NTM: variants seen among roughly 807,000 people sequenced by gnomAD.
NTM encodes the protein IgLON family member 2.
NTM carries 13 observed loss-of-function variants against 42.1 expected under a neutral mutation model. The ratio of observed to expected loss-of-function variants is 0.31; its 90% CI spans 0.20 to 0.49. The LOEUF (loss-of-function observed/expected upper bound fraction) is 0.49, where lower values mean the gene tolerates loss of function less well. Ranked by LOEUF, NTM falls within the 20% of genes least tolerant of loss-of-function variation. NTM has a pLI of 0.99. For missense variants in NTM, 373 were observed against 452.8 expected (o/e 0.82, Z 1.60); for synonymous variants, 187 against 179.2 (o/e 1.04, Z -0.35).
At chr11:131,785,687 G>T (rs999939188) in intron 1 of NTM, among the ~76,000 whole-genome samples, 23 of 152,194 alleles carry the variant, frequency 1.5e-4, no homozygotes, top group African/African-American at 5.1e-4. Context: ...ACCCAAGACT[G>T]CAGAGGTGAG....
chr11:131,639,610 C>G (rs1476371437), intron 1 of NTM, among the ~76,000 whole-genome samples: 1 of 152,096 alleles, frequency 6.6e-6, no homozygotes, highest in Non-Finnish European at 1.5e-5. Context: ...TCTGCCCCAC[C>G]ATGCAAAGAC....
In NTM at chr11:132,315,495, C is replaced by G. The variant is rs1431254532; in HGVS notation, c.934+792C>G. On this transcript the variant is annotated intron_variant, in intron 7 of 8. Coordinates refer to ENST00000683400, the MANE Select transcript of NTM (RefSeq NM_001352005.2). ...GTGTTTTGGGCAAATTCCTTCATAC[C>G]CCATCAAGTTCTTTGAGCTTGAGAT... 2.0e-5 allele frequency among the ~76,000 whole-genome samples: 3 copies of G among 152,176 alleles called. No homozygotes were observed. The East Asian group carries it at 5.8e-4, about 29-fold the overall frequency.
chr11:132,187,384 A>G (rs2078602278), intron 3 of NTM, among the ~76,000 whole-genome samples: 2 of 152,152 alleles, frequency 1.3e-5, no homozygotes, highest in Non-Finnish European at 2.9e-5. Flanking sequence ...TAGCACCAAT[A>G]TAGTGCTCCC....
At chr11:132,078,682 A>G (rs561986022) in intron 2 of NTM, among the ~76,000 whole-genome samples, 3 of 152,332 alleles carry the variant, frequency 2.0e-5, no homozygotes, top group South Asian at 2.1e-4. Flanking sequence ...AGAGGACCCC[A>G]GTGCATTCTG....
At chr11:132,292,137 A>T (rs1054581675) in intron 4 of NTM, among the ~76,000 whole-genome samples, 15 of 152,196 alleles carry the variant, frequency 9.9e-5, no homozygotes, top group African/African-American at 3.4e-4. Context: ...TTCCTTGAAA[A>T]AGTGAGAAAG....
chr11:131,670,696 TCC>T (rs1252768349), intron 1 of NTM, among the ~76,000 whole-genome samples: 3 of 152,152 alleles, frequency 2.0e-5, no homozygotes, highest in African/African-American at 7.2e-5. Flanking sequence ...CCCCTTCTCC[TCC>T]CTGCCTCACT....
chr11:131,500,159 G>T (rs900788015), intron 1 of NTM, among the ~76,000 whole-genome samples: 4 of 152,176 alleles, frequency 2.6e-5, no homozygotes, highest in Non-Finnish European at 5.9e-5. Flanking sequence ...TGAAGCAGAA[G>T]TTCTCTCTCA....
At chr11:131,951,817 G>A (rs1203034352) in intron 2 of NTM, among the ~76,000 whole-genome samples, 17 of 76,952 alleles carry the variant, frequency 2.2e-4, no homozygotes, top group African/African-American at 8.6e-4. Context: ...GCAAGACTCC[G>A]TCTCAAAAAA....
At chr11:132,085,625 C>T (rs1183699569) in intron 2 of NTM, among the ~76,000 whole-genome samples, 1 of 152,136 alleles carries the variant, frequency 6.6e-6, no homozygotes, top group Non-Finnish European at 1.5e-5. Flanking sequence ...TTTTATTTTT[C>T]CTTCAAAAGT....
intron 3 of NTM, among the ~76,000 whole-genome samples, chr11:132,147,221 G>GAA (rs1395807019): frequency 6.7e-6 from 1 of 148,602 alleles, no homozygotes. Flanking sequence ...GTGTGAGAGA[G>GAA]AGAGAGAGAG....
At chr11:131,858,625 A>G (rs2046332493) in intron 1 of NTM, among the ~76,000 whole-genome samples, 1 of 152,214 alleles carries the variant, frequency 6.6e-6, no homozygotes, top group South Asian at 2.1e-4. Flanking sequence ...AGGCAATAGC[A>G]GCCGCAGGTG....
intron 1 of NTM, among the ~76,000 whole-genome samples, chr11:131,689,167 C>G (rs974471914): frequency 6.6e-6 from 1 of 152,186 alleles, no homozygotes; most frequent in Non-Finnish European, 1.5e-5. Flanking sequence ...TTGTGAGGAC[C>G]GAGCCCCTTC....
At chr11:131,756,274 G>A (rs1591631471) in intron 1 of NTM, among the ~76,000 whole-genome samples, 1 of 152,170 alleles carries the variant, frequency 6.6e-6, no homozygotes, top group African/African-American at 2.4e-5. Flanking sequence ...AGACAAATTG[G>A]AAGGGATCTC....
intron 1 of NTM, among the ~76,000 whole-genome samples, chr11:131,514,636 G>T (rs1360300807): frequency 6.6e-6 from 1 of 151,068 alleles, no homozygotes; most frequent in African/African-American, 2.4e-5. Context: ...CTGGAGTGCA[G>T]TGACACAATT....
chr11:132,310,264 AC>A lies in NTM; in HGVS notation c.782+37del. On this transcript the variant is annotated intron_variant, in intron 6 of 8. Transcript: ENST00000683400. ...CTTCCTTCTTTCCTATCCCACCCCT[AC>A]CCCCATCTCCAGGAGAAACTTTTCC... 6 of 1,541,186 alleles carry A rather than the reference AC, an allele frequency of 3.9e-6. No homozygotes were observed. The South Asian group carries it at 5.0e-5, about 13-fold the overall frequency.
chr11:132,248,031 G>A (rs907440577), intron 4 of NTM, among the ~76,000 whole-genome samples: 1 of 148,740 alleles, frequency 6.7e-6, no homozygotes, highest in Non-Finnish European at 1.5e-5. Flanking sequence ...ACAGCCCACA[G>A]CATCCAAACA....
chr11:131,973,110 T>A (rs761860596), intron 2 of NTM, among the ~76,000 whole-genome samples: 4 of 152,230 alleles, frequency 2.6e-5, no homozygotes, highest in Non-Finnish European at 5.9e-5. Context: ...CTAAAGAGTG[T>A]TCTCCCAATC....
intron 5 of NTM, among the ~76,000 whole-genome samples, chr11:132,309,534 A>G (rs2095214235): frequency 6.6e-6 from 1 of 152,186 alleles, no homozygotes; most frequent in African/African-American, 2.4e-5. Context: ...GCATCATCCT[A>G]TGAAAGTTAA....
intron 1 of NTM, among the ~76,000 whole-genome samples, chr11:131,798,753 G>A (rs987295160): frequency 3.9e-5 from 6 of 152,130 alleles, no homozygotes; most frequent in Non-Finnish European, 5.9e-5. Context: ...CAGAGATATC[G>A]TTCTGGGTCA....
Sources: allele counts gnomAD v4.1 joint callset (sites outside exome capture counted in the v4.1 genomes callset), GRCh38; gene constraint gnomAD v4.1.1; transcripts MANE v1.5; gene names NCBI Gene and HGNC (gene_info 2026-07-23, HGNC 2026-07-21).